IL1RAPL1: variants seen among roughly 807,000 people sequenced by gnomAD.
The protein encoded by IL1RAPL1 is interleukin 1 receptor accessory protein like 1, also known as interleukin-1 receptor accessory protein-like 1.
A neutral mutation model predicts 48.4 loss-of-function variants in IL1RAPL1; 3 were observed. The observed-to-expected ratio is 0.06, with a 90% CI of 0.03 to 0.16. The LOEUF (loss-of-function observed/expected upper bound fraction) is 0.16, where lower values mean the gene tolerates loss of function less well. Among genes scored for constraint, IL1RAPL1 ranks in the 10% least tolerant of loss-of-function variants. IL1RAPL1 has a pLI of 1.00. For missense variants in IL1RAPL1, 349 were observed against 530.6 expected, an observed-to-expected ratio of 0.66 and a Z score of 3.36; for synonymous variants, 185 against 187.7, an observed-to-expected ratio of 0.99 and a Z score of 0.12.
chrX:29,530,881 C>T (rs1306031654), intron 5 of IL1RAPL1, among the ~76,000 whole-genome samples: 1 of 111,932 alleles, frequency 8.9e-6, no homozygotes, highest in African/African-American at 3.2e-5. Flanking sequence ...GCTAGCTGAG[C>T]GACTTTGGAT....
intron 5 of IL1RAPL1, among the ~76,000 whole-genome samples, chrX:29,646,413 G>GA (rs1270825550): frequency 9.0e-6 from 1 of 110,615 alleles, no homozygotes; most frequent in Non-Finnish European, 1.9e-5. Context: ...ATGAGAAAAA[G>GA]AAAAAAGAAT....
chrX:28,856,626 T>G (rs1336378325), intron 2 of IL1RAPL1, among the ~76,000 whole-genome samples: 2 of 111,463 alleles, frequency 1.8e-5, no homozygotes, highest in Non-Finnish European at 3.8e-5. Flanking sequence ...TCTGTCATGG[T>G]GATCTGTGAT....
chrX:28,745,753 T>C (rs919007156), intron 1 of IL1RAPL1, among the ~76,000 whole-genome samples: 1 of 111,968 alleles, frequency 8.9e-6, no homozygotes, highest in Non-Finnish European at 1.9e-5. Context: ...TAGTGTGCTA[T>C]ATAGTGTATG....
chrX:29,454,426 C>A (rs1169163222), intron 5 of IL1RAPL1, among the ~76,000 whole-genome samples: 1 of 111,574 alleles, frequency 9.0e-6, no homozygotes, highest in African/African-American at 3.3e-5. Flanking sequence ...ATTGGCCAAT[C>A]CCTGGTGGGA....
intron 2 of IL1RAPL1, among the ~76,000 whole-genome samples, chrX:28,843,031 A>G (rs961572940): frequency 9.1e-6 from 1 of 110,421 alleles, no homozygotes; most frequent in Non-Finnish European, 1.9e-5. Context: ...AGCTCAAGCA[A>G]TTTCGTGTCT....
intron 3 of IL1RAPL1, among the ~76,000 whole-genome samples, chrX:29,310,129 AGAAAGGAAAAAAAAAAAAAC>A (rs1932697950): frequency 6.1e-4 from 28 of 45,954 alleles, no homozygotes; most frequent in African/African-American, 1.7e-3. Flanking sequence ...AAAAAAAAAA[AGAAAGGAAAAAAAAAAAAAC>A]AAAAAAAGGG....
chrX:28,979,744 GTT>G (rs1250528977), intron 2 of IL1RAPL1, among the ~76,000 whole-genome samples: 21 of 112,252 alleles, frequency 1.9e-4, no homozygotes, highest in African/African-American at 6.8e-4. Flanking sequence ...TGTGTAACAA[GTT>G]TGTTGTTGTG....
chrX:29,267,416 C>T (rs1227574563), intron 2 of IL1RAPL1, among the ~76,000 whole-genome samples: 1 of 111,598 alleles, frequency 9.0e-6, no homozygotes, highest in East Asian at 2.8e-4. Context: ...GCTATGACAC[C>T]ATAGGGTTAT....
intron 5 of IL1RAPL1, among the ~76,000 whole-genome samples, chrX:29,549,329 T>G (rs2147786854): frequency 8.9e-6 from 1 of 111,752 alleles, no homozygotes; most frequent in African/African-American, 3.3e-5. Context: ...TTTCATCATT[T>G]AGTAGCCTTC....
chrX:29,388,552 A>G (rs1388269441), intron 3 of IL1RAPL1, among the ~76,000 whole-genome samples: 2 of 112,376 alleles, frequency 1.8e-5, no homozygotes, highest in East Asian at 2.8e-4. Context: ...TTATGATTGG[A>G]TACATGGAAT....
intron 2 of IL1RAPL1, among the ~76,000 whole-genome samples, chrX:28,972,646 G>T (rs755151632): frequency 9.0e-6 from 1 of 111,448 alleles, no homozygotes; most frequent in East Asian, 2.8e-4. Flanking sequence ...GGCTGAGGCG[G>T]GAGAATGGCG....
intron 3 of IL1RAPL1, among the ~76,000 whole-genome samples, chrX:29,381,833 A>AATATATATATATAT (rs35091339): frequency 5.5e-4 from 14 of 25,387 alleles, no homozygotes; most frequent in African/African-American, 1.5e-3. Context: ...AAAAAAAAAA[A>AATATATATATATAT]ATATATATAT....
chrX:28,936,150 T>C (rs185358176), intron 2 of IL1RAPL1, among the ~76,000 whole-genome samples: 2 of 111,375 alleles, frequency 1.8e-5, no homozygotes, highest in African/African-American at 3.3e-5. Flanking sequence ...TCCCTCATGC[T>C]GAATCGAGCA....
chrX:29,458,886 G>A lies in IL1RAPL1; in HGVS notation c.703+59578G>A, dbSNP rs576688789. The stretch of plus-strand genomic sequence containing the variant: ...ACTTTTTTACGTAAAGGGCTAGATT[G>A]TAAATGTTTTCAGTTTTATGGGTCA... On this transcript the variant is annotated intron_variant, in intron 5 of 10. Coordinates refer to ENST00000378993, the MANE Select transcript of IL1RAPL1 (RefSeq NM_014271.4). Among the ~76,000 whole-genome samples the A allele has an allele frequency of 1.2e-4, 13 of 111,451 alleles. No homozygotes were observed. In the South Asian group the frequency reaches 4.9e-3, roughly 42 times the overall value.
chrX:28,903,798 A>G (rs1923146154), intron 2 of IL1RAPL1, among the ~76,000 whole-genome samples: 1 of 111,185 alleles, frequency 9.0e-6, no homozygotes, highest in Non-Finnish European at 1.9e-5. Flanking sequence ...AAAATATTAT[A>G]TTCATATAAT....
chrX:29,604,811 G>T (rs1923835192), intron 5 of IL1RAPL1, among the ~76,000 whole-genome samples: 1 of 110,759 alleles, frequency 9.0e-6, no homozygotes, highest in South Asian at 3.8e-4. Flanking sequence ...AGAAGGTGCT[G>T]TTGGTTGCCT....
intron 5 of IL1RAPL1, among the ~76,000 whole-genome samples, chrX:29,610,403 G>A (rs1213335319): frequency 9.0e-6 from 1 of 111,728 alleles, no homozygotes; most frequent in Non-Finnish European, 1.9e-5. Flanking sequence ...CCCGTAGACA[G>A]CATATTAATT....
Position 29,687,407 on chromosome X carries a change from A to G in IL1RAPL1, c.778+18903A>G, listed in dbSNP as rs550558056. On this transcript the variant is annotated intron_variant, in intron 6 of 10. Transcript: ENST00000378993. ...AGTGAAATAAGCCAGGCACAGAACA[A>G]CAAACACCGCATGATCTCACTCACA... Among the ~76,000 whole-genome samples the G allele has an allele frequency of 6.2e-5, 7 of 112,252 alleles. No individual in the cohort carries two copies. The South Asian group carries it at 2.6e-3, about 42-fold the overall frequency.
chrX:29,307,958 C>G (rs1456715801), intron 3 of IL1RAPL1, among the ~76,000 whole-genome samples: 1 of 112,057 alleles, frequency 8.9e-6, no homozygotes, highest in Non-Finnish European at 1.9e-5. Flanking sequence ...ATCAATACTG[C>G]TTGATCACAT....
Sources: allele counts gnomAD v4.1 joint callset (sites outside exome capture counted in the v4.1 genomes callset), GRCh38; gene constraint gnomAD v4.1.1; transcripts MANE v1.5; gene names NCBI Gene and HGNC (gene_info 2026-07-23, HGNC 2026-07-21).